Variants in SCAI observed in about 807,000 individuals in gnomAD.
The protein encoded by SCAI is suppressor of cancer cell invasion, also known as protein SCAI.
In SCAI, 24 loss-of-function variants were observed where a neutral mutation model predicts 92.2. That is an observed-to-expected ratio of 0.26 (90% CI 0.19 to 0.37). The LOEUF is 0.37. Among genes scored for constraint, SCAI ranks in the 10% least tolerant of loss-of-function variants. The pLI, the probability that SCAI is intolerant of heterozygous loss-of-function variation, is 1.00. For missense variants in SCAI, 450 were observed against 736.2 expected, an observed-to-expected ratio of 0.61 and a Z score of 4.50; for synonymous variants, 261 against 258.6, an observed-to-expected ratio of 1.01 and a Z score of -0.09.
chr9:125,038,020 G>T (rs987744426), intron 3 of SCAI, among the ~76,000 whole-genome samples: 1 of 152,132 alleles, frequency 6.6e-6, no homozygotes, highest in African/African-American at 2.4e-5. Flanking sequence ...ACTTTGAGGG[G>T]CCAAGGCGGA....
chr9:124,987,729 A>G (rs1832026490), intron 14 of SCAI, among the ~76,000 whole-genome samples: 1 of 152,134 alleles, frequency 6.6e-6, no homozygotes, highest in Admixed American at 6.5e-5. Context: ...TGGGAGGCCG[A>G]GCTGAGTGGA....
At chr9:125,031,801 G>C (rs1226346778) in intron 3 of SCAI, among the ~76,000 whole-genome samples, 2 of 151,876 alleles carry the variant, frequency 1.3e-5, no homozygotes, top group Non-Finnish European at 2.9e-5. Context: ...TTTTTAAGTT[G>C]TATCTTTTAA....
rs145280573 is a variant in SCAI at position 125,003,034 on chromosome 9, A to G, written c.1065+80T>C. On this transcript the variant is annotated intron_variant, in intron 11 of 17. Transcript: ENST00000336505. ...TTATATTTTACCTAAACTCTTAAGT[A>G]TTTTTTCAAAAGAGTGACTCTTAGA... 34 of 870,156 alleles carry G rather than the reference A, an allele frequency of 3.9e-5. No individual in the cohort carries two copies. The East Asian group carries it at 7.1e-4, about 18-fold the overall frequency. The allele number at this position is 870,156 out of a possible 1,614,324, so 53.9% of individuals were successfully genotyped here.
intron 17 of SCAI, among the ~76,000 whole-genome samples, chr9:124,964,851 C>T (rs1588120190): frequency 6.6e-6 from 1 of 152,242 alleles, no homozygotes; most frequent in African/African-American, 2.4e-5. Context: ...TTTATCTTTT[C>T]TGTCAAGGTG....
chr9:125,104,791 C>T (rs1463885973), intron 2 of SCAI, among the ~76,000 whole-genome samples: 1 of 151,720 alleles, frequency 6.6e-6, no homozygotes, highest in East Asian at 1.9e-4. Context: ...TGGTAATGTA[C>T]TACTAAAAAT....
At chr9:125,052,602 G>C (rs1009682853) in intron 3 of SCAI, among the ~76,000 whole-genome samples, 1 of 151,660 alleles carries the variant, frequency 6.6e-6, no homozygotes, top group Non-Finnish European at 1.5e-5. Flanking sequence ...CAGCCTGGGG[G>C]ACAAGAGCAA....
chr9:125,063,056 G>A (rs1203671449), intron 2 of SCAI, among the ~76,000 whole-genome samples: 1 of 142,952 alleles, frequency 7.0e-6, no homozygotes. Flanking sequence ...CACTGTGTAA[G>A]TACTAATGAA....
chr9:125,109,040 G>A (rs1834877440), intron 2 of SCAI, among the ~76,000 whole-genome samples: 1 of 152,238 alleles, frequency 6.6e-6, no homozygotes, highest in Non-Finnish European at 1.5e-5. Context: ...CTGGGATGCT[G>A]TTGATCTATC....
Position 125,056,400 on chromosome 9 carries a change from A to T in SCAI, c.99-393T>A, listed in dbSNP as rs542588247. On this transcript the variant is annotated intron_variant, in intron 2 of 17. Transcript: ENST00000336505. Reference sequence around the variant, plus strand: ...AGAATTGCTTGACCCAGGGAGGCGGAGGTTGCAGTGAGCCGAGACGTGCCA... The same window carrying T: ...AGAATTGCTTGACCCAGGGAGGCGGTGGTTGCAGTGAGCCGAGACGTGCCA... 2.6e-5 allele frequency among the ~76,000 whole-genome samples: 4 copies of T among 152,286 alleles called. No individual in the cohort carries two copies. The South Asian group carries it at 8.3e-4, about 32-fold the overall frequency.
chr9:125,137,854 A>G lies in SCAI; in HGVS notation c.98+4779T>C, dbSNP rs538196718. 5.3e-5 allele frequency among the ~76,000 whole-genome samples: 8 copies of G among 152,232 alleles called. No homozygotes were observed. The South Asian group carries it at 1.5e-3, about 28-fold the overall frequency. On this transcript the variant is annotated intron_variant, in intron 2 of 17. Transcript: ENST00000336505. ...TGACCTCAGGTGATCCACCCGCCTC[A>G]GCCTCCCAAAGTGCTGGGATTACAG... is the stretch of plus-strand genomic sequence containing the variant.
At chr9:125,123,882 A>C (rs1835209924) in intron 2 of SCAI, among the ~76,000 whole-genome samples, 1 of 152,252 alleles carries the variant, frequency 6.6e-6, no homozygotes, top group Admixed American at 6.5e-5. Context: ...CTAGAAAAGA[A>C]TTTCCAGGAC....
At chr9:125,044,295 A>T (rs1344943620) in intron 3 of SCAI, among the ~76,000 whole-genome samples, 1 of 152,020 alleles carries the variant, frequency 6.6e-6, no homozygotes, top group Non-Finnish European at 1.5e-5. Flanking sequence ...CCTCCCATGG[A>T]CCAATCAGCA....
intron 2 of SCAI, among the ~76,000 whole-genome samples, chr9:125,067,253 T>C (rs1482323483): frequency 6.6e-6 from 1 of 152,240 alleles, no homozygotes; most frequent in Non-Finnish European, 1.5e-5. Flanking sequence ...TCCTAACTTC[T>C]GGTACCTGTG....
chr9:125,015,595 G>C (rs1209239152), intron 9 of SCAI, among the ~76,000 whole-genome samples: 1 of 152,158 alleles, frequency 6.6e-6, no homozygotes, highest in African/African-American at 2.4e-5. Context: ...CTGTAAACTA[G>C]TTCAACCATT....
At chr9:124,977,887 T>G (rs1831794424) in intron 14 of SCAI, among the ~76,000 whole-genome samples, 1 of 152,180 alleles carries the variant, frequency 6.6e-6, no homozygotes, top group South Asian at 2.1e-4. Context: ...GGTTCCATAC[T>G]TCATACCACA....
At chr9:125,134,327 T>C (rs894788107) in intron 2 of SCAI, among the ~76,000 whole-genome samples, 2 of 152,234 alleles carry the variant, frequency 1.3e-5, no homozygotes, top group Admixed American at 1.3e-4. Flanking sequence ...CATATTTCAG[T>C]GTCTGTCTTC....
chr9:125,126,359 C>T (rs1835273223), intron 2 of SCAI, among the ~76,000 whole-genome samples: 1 of 151,966 alleles, frequency 6.6e-6, no homozygotes, highest in Non-Finnish European at 1.5e-5. Flanking sequence ...CTGCCTCATA[C>T]CATGGAGTTA....
At chr9:125,011,408 C>T (rs1388641095) in intron 9 of SCAI, among the ~76,000 whole-genome samples, 2 of 151,944 alleles carry the variant, frequency 1.3e-5, no homozygotes, top group East Asian at 1.9e-4. Flanking sequence ...GGAGCCAATG[C>T]GATCAACTGG....
chr9:125,032,195 A>ATATATATATATT (rs1177865840), intron 3 of SCAI, among the ~76,000 whole-genome samples: 33 of 99,430 alleles, frequency 3.3e-4, no homozygotes, highest in East Asian at 6.5e-4. Context: ...ATATATATAT[A>ATATATATATATT]TTTTTTTTTT....
Sources: gnomAD v4.1 joint callset for allele counts (sites outside exome capture counted in the v4.1 genomes callset) on GRCh38, gnomAD v4.1.1 for gene constraint, MANE v1.5 for transcripts, NCBI Gene and HGNC (gene_info 2026-07-23, HGNC 2026-07-21) for gene names.